TTLL5: variants seen among roughly 807,000 people sequenced by gnomAD.
TTLL5 encodes the protein tubulin polyglutamylase TTLL5.
Under a neutral mutation model 168.4 loss-of-function variants are expected in TTLL5, and 132 were observed. That is an observed-to-expected ratio of 0.78 (90% CI 0.68 to 0.91). The LOEUF (loss-of-function observed/expected upper bound fraction) is 0.91. TTLL5 is among the 40% of genes least tolerant of loss of function. The pLI, the probability that TTLL5 is intolerant of heterozygous loss-of-function variation, is 0.00. For missense variants in TTLL5, 1,545 were observed against 1,581.5 expected (o/e 0.98, Z 0.39); for synonymous variants, 546 against 558.6 (o/e 0.98, Z 0.32).
At chr14:75,904,598 G>A (rs1249925273) in intron 31 of TTLL5, among the ~76,000 whole-genome samples, 1 of 152,046 alleles carries the variant, frequency 6.6e-6, no homozygotes, top group Non-Finnish European at 1.5e-5. Context: ...AAGATTTTGT[G>A]GCACTCATAC....
chr14:75,866,360 A>G (rs2030519192), intron 29 of TTLL5, among the ~76,000 whole-genome samples: 1 of 152,184 alleles, frequency 6.6e-6, no homozygotes, highest in Non-Finnish European at 1.5e-5. Context: ...AACTCCTTGC[A>G]CTTGGATTCA....
At position 75,863,835 on chromosome 14, in the gene TTLL5, C is replaced by G; in HGVS notation, c.3495C>G (p.Leu1165=). 6.3e-7 allele frequency: 1 copy of G among 1,589,226 alleles called. No individual in the cohort carries two copies. The highest frequency in any genetic ancestry group is 8.5e-7 in the Non-Finnish European group (1 of 1,169,970). Residue 1165 remains leucine, a synonymous_variant, in exon 29 of 32, where the codon CTC becomes CTG. Transcript: ENST00000298832. Reference sequence around the variant, plus strand: ...AACAAAAACTTCAGTCCCGGCAGCTCCTGGACCAGAGTCGAGCCCGGCACC... The same window carrying G: ...AACAAAAACTTCAGTCCCGGCAGCTGCTGGACCAGAGTCGAGCCCGGCACC... ...LEQQKLQSRQ[L]LDQSRARHQA... is the part of the protein sequence containing the mutation.
chr14:75,934,351 AG>A (rs1222714099), intron 31 of TTLL5, among the ~76,000 whole-genome samples: 1 of 152,192 alleles, frequency 6.6e-6, no homozygotes, highest in Non-Finnish European at 1.5e-5. Flanking sequence ...AAGCATTTAG[AG>A]GTGGACAGAT....
intron 31 of TTLL5, among the ~76,000 whole-genome samples, chr14:75,909,014 G>T (rs1259895315): frequency 6.6e-6 from 1 of 151,912 alleles, no homozygotes; most frequent in Non-Finnish European, 1.5e-5. Flanking sequence ...CTAAGCTCAA[G>T]CAATCCACCT....
intron 28 of TTLL5, among the ~76,000 whole-genome samples, chr14:75,852,795 C>G (rs896755146): frequency 6.6e-6 from 1 of 152,344 alleles, no homozygotes; most frequent in African/African-American, 2.4e-5. Context: ...GTCTAACTCA[C>G]TTAAATAATG....
chr14:75,926,085 G>GGGGAGA (rs377178355), intron 31 of TTLL5, among the ~76,000 whole-genome samples: 3,774 of 148,770 alleles, frequency 0.025, 163 homozygotes, highest in African/African-American at 0.073. Flanking sequence ...CGTGGGCCGT[G>GGGGAGA]GGGAGAGGGA....
intron 2 of TTLL5, among the ~76,000 whole-genome samples, chr14:75,664,162 A>G (rs1203120460): frequency 1.3e-5 from 2 of 152,104 alleles, no homozygotes; most frequent in Admixed American, 6.5e-5. Context: ...TCTATATCTT[A>G]TATCTTTTTA....
intron 29 of TTLL5, 89 bp from the exon 30 acceptor site, chr14:75,882,596 C>A: frequency 8.3e-7 from 1 of 1,197,716 alleles, no homozygotes; most frequent in Non-Finnish European, 1.2e-6. Context: ...TTCTTTTTGC[C>A]CCTTGACAGG....
At chr14:75,755,142 T>C (rs1403512686) in intron 18 of TTLL5, among the ~76,000 whole-genome samples, 2 of 151,984 alleles carry the variant, frequency 1.3e-5, no homozygotes, top group African/African-American at 2.4e-5. Flanking sequence ...CGCATGCCTA[T>C]AATCCCAGCT....
At chr14:75,837,674 C>G (rs926634149) in intron 28 of TTLL5, among the ~76,000 whole-genome samples, 1 of 152,134 alleles carries the variant, frequency 6.6e-6, no homozygotes, top group Non-Finnish European at 1.5e-5. Context: ...CTAGGTATCT[C>G]TATTAGTAGA....
chr14:75,782,341 C>A, intron 24 of TTLL5, 146 bp from the exon 25 acceptor site: 1 of 589,884 alleles, frequency 1.7e-6, no homozygotes, highest in Non-Finnish European at 2.8e-6. Context: ...TGGGTGTCTT[C>A]ATCTTTGGAA....
chr14:75,897,607 G>T (rs1280925739), intron 30 of TTLL5, among the ~76,000 whole-genome samples: 2 of 152,066 alleles, frequency 1.3e-5, no homozygotes. Flanking sequence ...CTCCCAAGTA[G>T]CTGGTTTTAC....
chr14:75,844,471 AT>A (rs746624704), intron 28 of TTLL5, among the ~76,000 whole-genome samples: 21 of 152,148 alleles, frequency 1.4e-4, no homozygotes, highest in Non-Finnish European at 2.2e-4. Context: ...TTAAGTTATG[AT>A]TTTCTGTTTC....
chr14:75,719,004 A>C (rs1202124946), intron 10 of TTLL5, among the ~76,000 whole-genome samples: 4 of 152,230 alleles, frequency 2.6e-5, no homozygotes, highest in Non-Finnish European at 5.9e-5. Context: ...AAAGATGAGC[A>C]AAGGCACAAT....
chr14:75,732,071 G>A (rs911193640), intron 12 of TTLL5: 12 of 248,860 alleles, frequency 4.8e-5, no homozygotes, highest in Non-Finnish European at 7.6e-5. Context: ...GAGTCAGGTC[G>A]CTTTCTATGT....
chr14:75,721,331 C>A (rs370051142), intron 12 of TTLL5, among the ~76,000 whole-genome samples: 1 of 152,094 alleles, frequency 6.6e-6, no homozygotes, highest in African/African-American at 2.4e-5. Context: ...ACTGAGGGTG[C>A]CTATGGACAT....
intron 30 of TTLL5, among the ~76,000 whole-genome samples, chr14:75,889,372 A>T (rs1678510707): frequency 6.6e-6 from 1 of 152,250 alleles, no homozygotes; most frequent in Admixed American, 6.5e-5. Flanking sequence ...ATAAGGACAT[A>T]AAGGGATTAG....
At chr14:75,796,252 G>T (rs936521650) in intron 27 of TTLL5, among the ~76,000 whole-genome samples, 25 of 152,162 alleles carry the variant, frequency 1.6e-4, no homozygotes, top group African/African-American at 6.0e-4. Context: ...GTCTATTCAT[G>T]TCCTTAGCCT....
At chr14:75,717,781 T>C in intron 9 of TTLL5, 80 bp from the exon 10 acceptor site, 4 of 1,329,770 alleles carry the variant, frequency 3.0e-6, no homozygotes, top group Non-Finnish European at 4.3e-6. Flanking sequence ...TCCTTTATTA[T>C]TATCTCATTG....
Sources: gnomAD v4.1 joint callset for allele counts (sites outside exome capture counted in the v4.1 genomes callset) on GRCh38, gnomAD v4.1.1 for gene constraint, MANE v1.5 for transcripts, NCBI Gene and HGNC (gene_info 2026-07-23, HGNC 2026-07-21) for gene names.